Variants in KANK1 observed in about 807,000 individuals in gnomAD.
KANK1 encodes KN motif and ankyrin repeat domains 1.
KANK1 carries 109 observed loss-of-function variants against 106.2 expected under a neutral mutation model. That is an observed-to-expected ratio of 1.03 (90% CI 0.88 to 1.20). KANK1 has a LOEUF of 1.20. KANK1 is among the 50% of genes most tolerant of loss of function. The pLI, the probability that KANK1 is intolerant of heterozygous loss-of-function variation, is 0.00. For synonymous variants in KANK1, 873 were observed against 652.2 expected, an observed-to-expected ratio of 1.34 and a Z score of -5.16; for missense variants, 2,399 against 1,710.7, an observed-to-expected ratio of 1.40 and a Z score of -7.10.
At chr9:687,897 TC>T (rs1167659919) in intron 2 of KANK1, among the ~76,000 whole-genome samples, 1 of 152,216 alleles carries the variant, frequency 6.6e-6, no homozygotes, top group Non-Finnish European at 1.5e-5. Flanking sequence ...GAGGCAAGAA[TC>T]ATGTCATCTT....
At chr9:571,175 G>A (rs1449464201) in intron 1 of KANK1, among the ~76,000 whole-genome samples, 2 of 152,162 alleles carry the variant, frequency 1.3e-5, no homozygotes, top group African/African-American at 2.4e-5. Context: ...GCTCCACTGT[G>A]GGGTGTTTTG....
At chr9:627,641 C>A (rs943363605) in intron 1 of KANK1, among the ~76,000 whole-genome samples, 1 of 152,166 alleles carries the variant, frequency 6.6e-6, no homozygotes, top group Non-Finnish European at 1.5e-5. Context: ...CTTCAGTCTG[C>A]TATTTTGAAA....
chr9:732,057 G>T (rs1269879011), intron 5 of KANK1: 1 of 198,934 alleles, frequency 5.0e-6, no homozygotes, highest in Non-Finnish European at 1.0e-5. Context: ...TGGGGTGGGG[G>T]GGGGACAAAA....
intron 1 of KANK1, among the ~76,000 whole-genome samples, chr9:548,244 C>T (rs563296177): frequency 3.3e-5 from 5 of 152,128 alleles, no homozygotes; most frequent in Non-Finnish European, 7.4e-5. Context: ...TACACATCTT[C>T]AGTAAAAGTG....
At chr9:724,160 A>T (rs1260771115) in intron 3 of KANK1, among the ~76,000 whole-genome samples, 1 of 152,140 alleles carries the variant, frequency 6.6e-6, no homozygotes, top group Non-Finnish European at 1.5e-5. Context: ...AATCATACTT[A>T]TCTTTTTTTA....
At chr9:492,432 A>C (rs560072766) in intron 3 of KANK1, among the ~76,000 whole-genome samples, 2 of 152,276 alleles carry the variant, frequency 1.3e-5, no homozygotes, top group East Asian at 3.9e-4. Flanking sequence ...GTCCTTGGGC[A>C]GGTTACTTAA....
chr9:613,186 T>C (rs1830976522), intron 1 of KANK1, among the ~76,000 whole-genome samples: 1 of 151,716 alleles, frequency 6.6e-6, no homozygotes, highest in Admixed American at 6.6e-5. Flanking sequence ...GGCAAAGAAG[T>C]AATTGTGACC....
At chr9:715,259 G>T (rs943208984) in intron 3 of KANK1, among the ~76,000 whole-genome samples, 4 of 152,286 alleles carry the variant, frequency 2.6e-5, no homozygotes, top group Non-Finnish European at 4.4e-5. Context: ...AAAATGATCT[G>T]TAGACTCAAA....
At chr9:611,085 C>T (rs1830441326) in intron 1 of KANK1, among the ~76,000 whole-genome samples, 1 of 152,080 alleles carries the variant, frequency 6.6e-6, no homozygotes, top group Non-Finnish European at 1.5e-5. Context: ...CTTATCACTC[C>T]ACCTGCCAGC....
chr9:505,658 G>T (rs1282829373), intron 1 of KANK1, among the ~76,000 whole-genome samples: 1 of 152,224 alleles, frequency 6.6e-6, no homozygotes, highest in East Asian at 1.9e-4. Context: ...TGAAGGCCTT[G>T]GGCGAGTTGG....
At chr9:740,213 C>T (rs904745275) in intron 8 of KANK1, among the ~76,000 whole-genome samples, 28 of 152,180 alleles carry the variant, frequency 1.8e-4, no homozygotes, top group African/African-American at 6.8e-4. Flanking sequence ...TTCATCGATT[C>T]TGTTAAGGGG....
At chr9:724,080 G>T (rs1386709701) in intron 3 of KANK1, among the ~76,000 whole-genome samples, 1 of 152,052 alleles carries the variant, frequency 6.6e-6, no homozygotes, top group East Asian at 1.9e-4. Flanking sequence ...CAGCCTGGGT[G>T]ACAGAGTGAG....
intron 7 of KANK1, among the ~76,000 whole-genome samples, chr9:737,084 G>A (rs575953287): frequency 4.6e-5 from 7 of 152,278 alleles, no homozygotes; most frequent in East Asian, 1.9e-4. Context: ...AGTAGTGGAC[G>A]AGTAAACACA....
intron 3 of KANK1, among the ~76,000 whole-genome samples, chr9:727,720 G>C (rs1427624196): frequency 6.8e-6 from 1 of 146,768 alleles, no homozygotes; most frequent in East Asian, 2.0e-4. Flanking sequence ...GTGTGTGTAT[G>C]TGTGTGTGTG....
rs148703085 is a variant in KANK1 at position 668,912 on chromosome 9, A to C, written c.-83-7978A>C. On this transcript the variant is annotated intron_variant, in intron 1 of 11. Coordinates refer to ENST00000382297, the MANE Select transcript of KANK1 (RefSeq NM_015158.5). Reference sequence around the variant, plus strand: ...ACTTGCAGTTCACAATAGGGTTTGCACTCTTATGAGAATCTATGCTGCTAA... The same window carrying C: ...ACTTGCAGTTCACAATAGGGTTTGCCCTCTTATGAGAATCTATGCTGCTAA... Among the ~76,000 whole-genome samples, 568 of 151,994 alleles carry C rather than the reference A, an allele frequency of 3.7e-3. 9 individuals are homozygous for C. The highest frequency in any genetic ancestry group is 0.013 in the African/African-American group (553 of 41,430).
At chr9:472,673 G>A (rs2058041474) in intron 2 of KANK1, among the ~76,000 whole-genome samples, 1 of 152,206 alleles carries the variant, frequency 6.6e-6, no homozygotes. Context: ...AAGAGATCCA[G>A]CTGCAAGGAC....
chr9:730,310 C>T, intron 4 of KANK1, 62 bp downstream of exon 4: 1 of 1,466,924 alleles, frequency 6.8e-7, no homozygotes, highest in Non-Finnish European at 9.6e-7. Context: ...GCCAGCATTC[C>T]AATTTAATGT....
rs1564098592 is a variant in KANK1, at chr9:730,067, T to C, written c.2715T>C (p.Tyr905=). ...TCCTGATAGGCAATTATTTGGGATA[T>C]ACCTGTAAGTGTGGGGGCCTTCAGT... ...LGKITGNYLG[Y]TCKCGGLQSG... Residue 905 remains tyrosine, a synonymous_variant, in exon 4 of 12, where the codon TAT becomes TAC. Coordinates refer to ENST00000382297, the MANE Select transcript of KANK1 (RefSeq NM_015158.5). The C allele has an allele frequency of 1.9e-6, 3 of 1,614,058 alleles. No individual in the cohort carries two copies. The highest frequency in any genetic ancestry group is 1.3e-5 in the African/African-American group (1 of 74,942).
At chr9:630,981 T>C (rs771542408) in intron 1 of KANK1, among the ~76,000 whole-genome samples, 1 of 152,078 alleles carries the variant, frequency 6.6e-6, no homozygotes, top group Non-Finnish European at 1.5e-5. Context: ...CAAAAAGTGC[T>C]TAGTCAATAT....
Sources: gnomAD v4.1 joint callset for allele counts (sites outside exome capture counted in the v4.1 genomes callset) on GRCh38, gnomAD v4.1.1 for gene constraint, MANE v1.5 for transcripts, NCBI Gene and HGNC (gene_info 2026-07-23, HGNC 2026-07-21) for gene names.